C10orf143: variants seen among roughly 807,000 people sequenced by gnomAD.
The protein encoded by C10orf143 is chromosome 10 open reading frame 143, also known as uncharacterized protein C10orf143.
intron 1 of C10orf143, chr10:130,108,413 G>A (rs1258634281): frequency 2.2e-6 from 2 of 913,414 alleles, no homozygotes; most frequent in East Asian, 2.4e-5. Context: ...GCCTTCAAAT[G>A]AGCCTGCTAC....
intron 1 of C10orf143, among the ~76,000 whole-genome samples, chr10:130,080,213 C>G (rs72843894): frequency 0.15 from 23,450 of 152,158 alleles, 2,417 homozygotes; most frequent in Non-Finnish European, 0.22. Context: ...TGAAAATGTG[C>G]AAAACCTATA....
At chr10:130,074,608 G>A (rs1861085692) in intron 3 of C10orf143, among the ~76,000 whole-genome samples, 1 of 152,142 alleles carries the variant, frequency 6.6e-6, no homozygotes, top group Admixed American at 6.5e-5. Context: ...CGTCACTGCA[G>A]GCACCAGAGG....
chr10:130,081,516 T>C (rs1861209142), intron 1 of C10orf143, among the ~76,000 whole-genome samples: 1 of 151,946 alleles, frequency 6.6e-6, no homozygotes, highest in African/African-American at 2.4e-5. Flanking sequence ...GATAATAGAG[T>C]ATACACATTC....
chr10:130,094,724 T>G (rs1225355220), intron 1 of C10orf143, among the ~76,000 whole-genome samples: 1 of 152,186 alleles, frequency 6.6e-6, no homozygotes, highest in Non-Finnish European at 1.5e-5. Flanking sequence ...ATGGAATGTA[T>G]TTCAAAATAA....
intron 1 of C10orf143, chr10:130,106,405 G>A (rs1861648186): frequency 1.1e-5 from 18 of 1,602,812 alleles, no homozygotes; most frequent in Non-Finnish European, 1.5e-5. Context: ...TTGAGAAGGC[G>A]GCAGCAGAAG....
chr10:130,062,037 C>T (rs1286418109), downstream of C10orf143, among the ~76,000 whole-genome samples: 1 of 152,172 alleles, frequency 6.6e-6, no homozygotes, highest in South Asian at 2.1e-4. Context: ...CGGGCAGGAC[C>T]TCTGTTCACA....
At chr10:130,084,543 G>A (rs186496714) in intron 1 of C10orf143, among the ~76,000 whole-genome samples, 104 of 152,246 alleles carry the variant, frequency 6.8e-4, no homozygotes, top group Middle Eastern at 6.8e-3. Context: ...AAAGGGAGAG[G>A]CTACAATGAA....
At chr10:130,041,818 C>G (rs926685686) in intron 3 of C10orf143, among the ~76,000 whole-genome samples, 38 of 151,700 alleles carry the variant, frequency 2.5e-4, no homozygotes, top group African/African-American at 8.9e-4. Context: ...GCTCTGCACA[C>G]ACACACACAC....
intron 1 of C10orf143, among the ~76,000 whole-genome samples, chr10:130,099,978 C>T (rs943320565): frequency 2.0e-5 from 3 of 151,300 alleles, no homozygotes; most frequent in Non-Finnish European, 2.9e-5. Context: ...GCTGGGATTA[C>T]AGGCACGCGC....
chr10:130,075,145 G>A (rs143173381), intron 3 of C10orf143, among the ~76,000 whole-genome samples: 1 of 152,152 alleles, frequency 6.6e-6, no homozygotes, highest in African/African-American at 2.4e-5. Flanking sequence ...CAGAATCAAC[G>A]TGGGGAGCGG....
intron 3 of C10orf143, among the ~76,000 whole-genome samples, chr10:130,041,422 C>A (rs1452821150): frequency 2.0e-5 from 3 of 152,176 alleles, no homozygotes; most frequent in Non-Finnish European, 4.4e-5. Flanking sequence ...ATAGGTTTTG[C>A]CAAATTTCTT....
intron 3 of C10orf143, among the ~76,000 whole-genome samples, chr10:130,074,142 C>T (rs190693593): frequency 1.2e-4 from 19 of 152,322 alleles, no homozygotes; most frequent in Non-Finnish European, 2.4e-4. Context: ...ACTGCAAACA[C>T]ACTGATCAGC....
intron 1 of C10orf143, chr10:130,106,026 G>A (rs1296807881): frequency 1.0e-5 from 5 of 493,356 alleles, no homozygotes; most frequent in South Asian, 3.2e-5. Context: ...TGCGGCGACC[G>A]CCAGAGCAGC....
chr10:130,105,598 C>T (rs1342337965), intron 1 of C10orf143, among the ~76,000 whole-genome samples: 1 of 151,996 alleles, frequency 6.6e-6, no homozygotes, highest in Non-Finnish European at 1.5e-5. Flanking sequence ...GGCATGGTGG[C>T]GGGCACCTGT....
chr10:130,035,600 C>T (rs1186970301), intron 4 of C10orf143, among the ~76,000 whole-genome samples: 4 of 152,302 alleles, frequency 2.6e-5, no homozygotes, highest in Non-Finnish European at 4.4e-5. Context: ...ACTGCTTACT[C>T]GGTGCCCTCA....
intron 1 of C10orf143, among the ~76,000 whole-genome samples, chr10:130,110,428 G>T (rs1383209096): frequency 6.6e-6 from 1 of 152,232 alleles, no homozygotes; most frequent in Admixed American, 6.5e-5. Context: ...AGGGAGCCTG[G>T]GTCTGGAGCC....
intron 4 of C10orf143, among the ~76,000 whole-genome samples, chr10:130,035,518 G>A (rs887990092): frequency 1.3e-5 from 2 of 152,202 alleles, no homozygotes; most frequent in South Asian, 4.1e-4. Flanking sequence ...CTGCAAAGGG[G>A]TGCAGCTGCC....
intron 1 of C10orf143, among the ~76,000 whole-genome samples, chr10:130,098,158 A>G (rs1861492017): frequency 6.6e-6 from 1 of 152,066 alleles, no homozygotes; most frequent in Admixed American, 6.6e-5. Flanking sequence ...CCCTGTCTCT[A>G]CTAAAAATAC....
chr10:130,076,825 CTGTCCAGCA>C (rs1861126275), intron 3 of C10orf143, among the ~76,000 whole-genome samples: 1 of 152,180 alleles, frequency 6.6e-6, no homozygotes, highest in South Asian at 2.1e-4. Context: ...GCCTAGGTGA[CTGTCCAGCA>C]TGGGAGCCAT....
Sources: gnomAD v4.1 joint callset for allele counts (sites outside exome capture counted in the v4.1 genomes callset) on GRCh38, gnomAD v4.1.1 for gene constraint, MANE v1.5 for transcripts, NCBI Gene and HGNC (gene_info 2026-07-23, HGNC 2026-07-21) for gene names.